ZNF358: variants seen among roughly 807,000 people sequenced by gnomAD.
ZNF358 encodes zinc finger protein 358.
A neutral mutation model predicts 2.1 loss-of-function variants in ZNF358; 1 was observed. The ratio of observed to expected loss-of-function variants is 0.49; its 90% CI spans 0.17 to 2.30. The LOEUF (loss-of-function observed/expected upper bound fraction) is 2.30, where lower values mean the gene tolerates loss of function less well. Among genes scored for constraint, ZNF358 ranks in the 30% most tolerant of loss-of-function variants. ZNF358 has a pLI of 0.26. For missense variants in ZNF358, 665 were observed against 806.8 expected, an observed-to-expected ratio of 0.82 and a Z score of 2.13; for synonymous variants, 381 against 359.7, an observed-to-expected ratio of 1.06 and a Z score of -0.67.
rs1488038763 is a variant in ZNF358, at chr19:7,520,187, C to G, written c.945C>G (p.Ala315=). The change falls in exon 2 of 2, where the codon GCC becomes GCG. Residue 315 remains alanine (A), a synonymous_variant. Coordinates refer to ENST00000597229, the MANE Select transcript of ZNF358 (RefSeq NM_018083.5). The surrounding 1 kb of genome is among the most constrained non-coding windows in gnomAD (Gnocchi z 6.0). ...TGCAGCACCAGCGCACACACACGGC[C>G]GAGCGCCCCTACCGCTGCCCCCACT... The part of the protein sequence containing the change: ...ALLQHQRTHT[A]ERPYRCPHCG... The G allele has an allele frequency of 1.9e-6, 3 of 1,602,062 alleles. No individual in the cohort carries two copies. Among genetic ancestry groups the G allele is most frequent in the South Asian group, 1.1e-5 (1 of 90,976 alleles).
Position 7,519,726 on chromosome 19 carries a change from C to T in ZNF358, c.484C>T (p.Arg162Cys), listed in dbSNP as rs771450135. 6.4e-7 allele frequency: 1 copy of T among 1,564,102 alleles called. No homozygotes were observed. The highest frequency in any genetic ancestry group is 8.6e-7 in the Non-Finnish European group (1 of 1,162,636). Residue 162 changes from arginine (R) to cysteine (C), a missense_variant, in exon 2 of 2, where the codon CGC becomes TGC. Physicochemically the swap from Arg to Cys is radical, Grantham distance 180. This residue lies in a region of ZNF358 where 206 missense variants were observed against 228.4 expected (regional missense o/e 0.90). Transcript: ENST00000597229. Reference protein sequence around the residue: ...SCPDCGRAFRRSSGLSQHRRT... With the variant: ...SCPDCGRAFRCSSGLSQHRRT... The stretch of plus-strand genomic sequence containing the variant: ...CCCGGATTGCGGGCGAGCCTTCCGC[C>T]GCAGCTCCGGGCTGAGCCAGCATCG...
chr19:7,519,072 A>G, intron 1 of ZNF358, 133 bp from the exon 2 acceptor site: 1 of 1,135,562 alleles, frequency 8.8e-7, no homozygotes, highest in Non-Finnish European at 1.2e-6. Context: ...CTCAAAAAAA[A>G]AAAAAAAAAA....
chr19:7,514,326 A>T (rs1281171832), upstream of ZNF358, among the ~76,000 whole-genome samples: 1 of 152,230 alleles, frequency 6.6e-6, no homozygotes, highest in Non-Finnish European at 1.5e-5. Flanking sequence ...CCCACAAAGG[A>T]AAAGAAAGTA....
At chr19:7,515,384 G>C (rs1268942554), upstream of ZNF358, 1 of 152,218 alleles carries the variant, frequency 6.6e-6, no homozygotes, top group Non-Finnish European at 1.5e-5. Context: ...GGCCTCCAGG[G>C]ACAGCGGTGA....
In ZNF358 at chr19:7,516,303, G is replaced by A. The variant is rs1449077199; in HGVS notation, c.-39+54G>A. On this transcript the variant is annotated intron_variant, in intron 1 of 1. Transcript: ENST00000597229. The surrounding 1 kb of genome is among the most constrained non-coding windows in gnomAD (Gnocchi z 5.9). ...CGGGGCGGGGGGCTGGGTGGGGGGC[G>A]GGCGGGCGGGGGAGCTCCAGGCGCG... is the stretch of plus-strand genomic sequence containing the variant. The A allele has an allele frequency of 1.5e-5, 2 of 131,234 alleles. No individual in the cohort carries two copies. The highest frequency in any genetic ancestry group is 3.4e-5 in the Non-Finnish European group (2 of 59,622). 8.1% of individuals were successfully genotyped at this position (131,234 alleles called of 1,614,324 possible).
intron 1 of ZNF358, among the ~76,000 whole-genome samples, chr19:7,517,825 C>A (rs1486614566): frequency 3.9e-5 from 6 of 152,152 alleles, no homozygotes; most frequent in African/African-American, 1.4e-4. Context: ...TTGTCTTTCC[C>A]CAGTGACTTG....
At chr19:7,515,801 C>T (rs1252381013), upstream of ZNF358, among the ~76,000 whole-genome samples, 1 of 151,770 alleles carries the variant, frequency 6.6e-6, no homozygotes, top group East Asian at 1.9e-4. Context: ...GGGACAGAGA[C>T]AGAGAATGAA....
intron 1 of ZNF358, among the ~76,000 whole-genome samples, chr19:7,518,557 G>GAGTA (rs2022384704): frequency 1.0e-4 from 12 of 116,066 alleles, no homozygotes; most frequent in Admixed American, 8.1e-4. Flanking sequence ...GAGAGAGAGA[G>GAGTA]AGAAAGAAAG....
upstream of ZNF358, among the ~76,000 whole-genome samples, chr19:7,515,787 G>A (rs1051582889): frequency 6.6e-6 from 1 of 152,100 alleles, no homozygotes; most frequent in Admixed American, 6.6e-5. Flanking sequence ...GAGATGGGAA[G>A]ACAGGGACAG....
At position 7,516,440 on chromosome 19, in the gene ZNF358, C is replaced by T. The variant is rs1331960644; in HGVS notation, c.-39+191C>T. ...GGGGAGGGGACTCTGCGGCCAGCTC[C>T]GGCCTAGCGCACCCATCCCGCCGCT... On this transcript the variant is annotated intron_variant, in intron 1 of 1. Transcript: ENST00000597229. This position sits in a 1 kb window ranked among gnomAD's most constrained non-coding sequence, Gnocchi z 5.9. 6.7e-6 allele frequency among the ~76,000 whole-genome samples: 1 copy of T among 150,216 alleles called. No individual in the cohort carries two copies. Among genetic ancestry groups the T allele is most frequent in the East Asian group, 2.0e-4 (1 of 4,990 alleles).
intron 1 of ZNF358, among the ~76,000 whole-genome samples, chr19:7,518,598 A>AGAAAGAAAGAAAGAAT (rs111382515): frequency 0.019 from 2,672 of 142,134 alleles, 38 homozygotes; most frequent in Middle Eastern, 0.032. Flanking sequence ...AAAGAAAGAA[A>AGAAAGAAAGAAAGAAT]GAATTGAAGT....
At chr19:7,518,598 A>AGAAAGAAAGAAT (rs111382515) in intron 1 of ZNF358, among the ~76,000 whole-genome samples, 9,880 of 141,394 alleles carry the variant, frequency 0.07, 424 homozygotes, top group Non-Finnish European at 0.1. Context: ...AAAGAAAGAA[A>AGAAAGAAAGAAT]GAATTGAAGT....
chr19:7,518,535 GAA>G (rs1332698563), intron 1 of ZNF358, among the ~76,000 whole-genome samples: 1 of 96,268 alleles, frequency 1.0e-5, no homozygotes, highest in Admixed American at 1.3e-4. Context: ...AGGAAGGAAA[GAA>G]AGAAAGAAAG....
In ZNF358 at chr19:7,519,317, C is replaced by T; in HGVS notation, c.75C>T (p.Asp25=). ...LRPVYEELDS[D]SEDLDPNPED... ...CCGTTTATGAAGAGCTCGACTCTGA[C>T]TCCGAGGACCTAGACCCCAATCCTG... Residue 25 remains aspartate, a synonymous_variant, in exon 2 of 2, where the codon GAC becomes GAT. Transcript: ENST00000597229. The T allele has an allele frequency of 6.2e-7, 1 of 1,614,106 alleles. No individual in the cohort carries two copies. Among genetic ancestry groups the T allele is most frequent in the Admixed American group, 1.7e-5 (1 of 60,004 alleles).
intron 1 of ZNF358, among the ~76,000 whole-genome samples, 164 bp from the exon 2 acceptor site, chr19:7,519,041 G>A (rs1419488497): frequency 7.1e-6 from 1 of 140,240 alleles, no homozygotes; most frequent in African/African-American, 2.7e-5. Flanking sequence ...CTCCAGCCTT[G>A]GCAACAGAAC....
upstream of ZNF358, among the ~76,000 whole-genome samples, chr19:7,514,574 C>T (rs1012031625): frequency 2.2e-4 from 34 of 152,160 alleles, 1 homozygote; most frequent in Non-Finnish European, 1.9e-4. Flanking sequence ...ATAAGGAGGA[C>T]ATGGGGACAG....
intron 1 of ZNF358, among the ~76,000 whole-genome samples, chr19:7,517,407 C>T (rs1286665377): frequency 6.6e-6 from 1 of 152,108 alleles, no homozygotes; most frequent in Admixed American, 6.5e-5. Flanking sequence ...AGTTAAAATG[C>T]AGGACCTTCT....
Position 7,520,169 on chromosome 19 carries a change from C to G in ZNF358, c.927C>G (p.His309Gln). The G allele has an allele frequency of 6.2e-7, 1 of 1,601,036 alleles. No homozygotes were observed. The highest frequency in any genetic ancestry group is 8.5e-7 in the Non-Finnish European group (1 of 1,178,730). The change falls in exon 2 of 2, where the codon CAC becomes CAG. Residue 309 changes from histidine to glutamine, a missense_variant. Around this residue, in one of 3 missense-constraint regions of ZNF358, gnomAD observed 210 missense variants for 350.8 expected, o/e 0.60. Transcript: ENST00000597229. This position sits in a 1 kb window ranked among gnomAD's most constrained non-coding sequence, Gnocchi z 6.0. ...GGCAGAGCTCGGCGCTGCTGCAGCA[C>G]CAGCGCACACACACGGCCGAGCGCC... ...AFGQSSALLQ[H>Q]QRTHTAERPY...
chr19:7,519,064 C>CAAAAAA (rs397859220), intron 1 of ZNF358, 141 bp from the exon 2 acceptor site: 20 of 577,530 alleles, frequency 3.5e-5, no homozygotes, highest in South Asian at 3.2e-4. Context: ...GACCCCATCT[C>CAAAAAA]AAAAAAAAAA....
Sources: gnomAD v4.1 joint callset for allele counts (sites outside exome capture counted in the v4.1 genomes callset) on GRCh38, gnomAD v4.1.1 for gene constraint, gnomAD v4.1.1 regional missense constraint, Gnocchi (gnomAD v3.1) non-coding constraint, MANE v1.5 for transcripts, NCBI Gene and HGNC (gene_info 2026-07-23, HGNC 2026-07-21) for gene names.